The following DNTTIP1 variants were observed in gnomAD, a reference collection of about 807,000 sequenced individuals.
DNTTIP1 encodes deoxynucleotidyltransferase terminal interacting protein 1, also known as deoxynucleotidyltransferase terminal-interacting protein 1.
Under a neutral mutation model 52.9 loss-of-function variants are expected in DNTTIP1, and 22 were observed. That is an observed-to-expected ratio of 0.42 (90% CI 0.30 to 0.59). The LOEUF is 0.59. Ranked by LOEUF, DNTTIP1 falls within the 20% of genes least tolerant of loss-of-function variation. The pLI is 0.22. For missense variants in DNTTIP1, 286 were observed against 435.5 expected (o/e 0.66, Z 3.06); for synonymous variants, 136 against 155.1 (o/e 0.88, Z 0.92).
intron 3 of DNTTIP1, 22 bp from the exon 4 acceptor site, chr20:45,795,323 G>C (rs752380216): frequency 1.4e-4 from 218 of 1,504,684 alleles, no homozygotes; most frequent in Non-Finnish European, 1.9e-4. Flanking sequence ...CTCTGACCTT[G>C]TCCTCTGTTG....
chr20:45,798,568 C>CT (rs1981321821), intron 4 of DNTTIP1, among the ~76,000 whole-genome samples: 1 of 152,146 alleles, frequency 6.6e-6, no homozygotes, highest in African/African-American at 2.4e-5. Context: ...CATCTCACCT[C>CT]TTTTTTATTG....
At chr20:45,808,149 C>G (rs1479093995) in intron 10 of DNTTIP1, among the ~76,000 whole-genome samples, 1 of 152,076 alleles carries the variant, frequency 6.6e-6, no homozygotes, top group African/African-American at 2.4e-5. Flanking sequence ...AGTTCAAAAC[C>G]AGCCTGGCCA....
intron 2 of DNTTIP1, 32 bp from the exon 3 acceptor site, chr20:45,793,889 G>GC: frequency 7.1e-7 from 1 of 1,400,758 alleles, no homozygotes; most frequent in Non-Finnish European, 9.9e-7. Flanking sequence ...TTTGGGACAT[G>GC]CCCCCTCACC....
chr20:45,811,077 T>C lies in DNTTIP1; in HGVS notation c.872T>C (p.Leu291Pro). ...DDYRGCLDLK[L>P]EELKSFVLPS... ...TCCAGAGGATGCCTGGATCTGAAGC[T>C]AGAGGAATTGAAATCCTTTGTCCTA... The change falls in exon 13 of 13, where the codon CTA (leucine) becomes CCA (proline). Residue 291 changes from leucine (L) to proline (P), a missense_variant. Physicochemically the swap from Leu to Pro is moderately conservative, Grantham distance 98. Coordinates refer to ENST00000372622, the MANE Select transcript of DNTTIP1 (RefSeq NM_052951.3). 1 of 1,613,990 alleles carries C rather than the reference T, an allele frequency of 6.2e-7. No individual in the cohort carries two copies. The highest frequency in any genetic ancestry group is 8.5e-7 in the Non-Finnish European group (1 of 1,179,886).
chr20:45,803,776 G>T (rs2145703545), intron 8 of DNTTIP1, among the ~76,000 whole-genome samples: 1 of 152,278 alleles, frequency 6.6e-6, no homozygotes, highest in Middle Eastern at 3.4e-3. Flanking sequence ...CAGCTTCCCT[G>T]TGGGCATAAA....
intron 4 of DNTTIP1, chr20:45,796,697 T>A (rs1364442006): frequency 2.6e-6 from 1 of 388,532 alleles, no homozygotes; most frequent in Non-Finnish European, 5.2e-6. Context: ...GCTCACTTTC[T>A]CACCTCCTAT....
At position 45,792,013 on chromosome 20, in the gene DNTTIP1, C is replaced by T. The variant is rs1981028439; in HGVS notation, c.9C>T (p.Ala3=). The T allele has an allele frequency of 7.9e-7, 1 of 1,264,780 alleles. No individual in the cohort carries two copies. Among genetic ancestry groups the T allele is most frequent in the Admixed American group, 3.4e-5 (1 of 29,608 alleles). The allele number at this position is 1,264,780 out of a possible 1,614,324, so 78.3% of individuals were successfully genotyped here. A position where few individuals can be genotyped will look rare whatever the true frequency, so the allele number is the denominator to read the frequency against. ...TGGGGGCCGGGGGCGCCATGGGAGC[C>T]ACTGGCGACGCCGAGCAGCCGCGGG... MG[A]TGDAEQPRGP... is the part of the protein sequence containing the mutation. Residue 3 remains alanine (A), a synonymous_variant, in exon 1 of 13, where the codon GCC becomes GCT. Coordinates refer to ENST00000372622, the MANE Select transcript of DNTTIP1 (RefSeq NM_052951.3).
intron 10 of DNTTIP1, among the ~76,000 whole-genome samples, chr20:45,807,792 C>G (rs1469118638): frequency 6.6e-6 from 1 of 151,560 alleles, no homozygotes; most frequent in Non-Finnish European, 1.5e-5. Context: ...ACTAAAAGTA[C>G]AAAAATTAGC....
intron 4 of DNTTIP1, chr20:45,796,540 G>T (rs570460565): frequency 2.1e-6 from 1 of 471,142 alleles, no homozygotes; most frequent in Non-Finnish European, 4.4e-6. Flanking sequence ...CTCTGGTGTG[G>T]TCAGGAAGCA....
chr20:45,810,074 T>C (rs1981773800), intron 11 of DNTTIP1, among the ~76,000 whole-genome samples: 1 of 152,150 alleles, frequency 6.6e-6, no homozygotes, highest in Non-Finnish European at 1.5e-5. Context: ...ACCTGTGCAC[T>C]TCTACAGATG....
intron 10 of DNTTIP1, 140 bp from the exon 11 acceptor site, chr20:45,808,974 T>G (rs1457072100): frequency 1.4e-6 from 1 of 696,374 alleles, no homozygotes; most frequent in African/African-American, 1.8e-5. Context: ...CTGAAGAGAT[T>G]AGTGAGCCCT....
In DNTTIP1 at chr20:45,811,317, G is replaced by A; in HGVS notation, c.*122G>A. 1 of 1,176,538 alleles carries A rather than the reference G, an allele frequency of 8.5e-7. No individual in the cohort carries two copies. Among genetic ancestry groups the A allele is most frequent in the African/African-American group, 1.5e-5 (1 of 65,358 alleles). 72.9% of individuals were successfully genotyped at this position (1,176,538 alleles called of 1,614,324 possible). A position where few individuals can be genotyped will look rare whatever the true frequency, so the allele number is the denominator to read the frequency against. On this transcript the variant is annotated 3_prime_UTR_variant, in exon 13 of 13. Coordinates refer to ENST00000372622, the MANE Select transcript of DNTTIP1 (RefSeq NM_052951.3). ...GCGGCATTAAGCTGTGCCTGAGCGA[G>A]TTTGTAGTGACTCACTGCACAGCAC...
chr20:45,792,856 C>A, intron 2 of DNTTIP1, 109 bp downstream of exon 2: 2 of 955,020 alleles, frequency 2.1e-6, no homozygotes, highest in Non-Finnish European at 3.1e-6. Context: ...AGAAAGAGCA[C>A]AGGACTGAGG....
intron 4 of DNTTIP1, among the ~76,000 whole-genome samples, chr20:45,800,810 A>G (rs1345911959): frequency 6.9e-6 from 1 of 145,256 alleles, no homozygotes; most frequent in Non-Finnish European, 1.5e-5. Context: ...CCTGTCCAAC[A>G]TGGTGAAATC....
At chr20:45,806,668 CT>C (rs949535056) in intron 10 of DNTTIP1, among the ~76,000 whole-genome samples, 1 of 152,258 alleles carries the variant, frequency 6.6e-6, no homozygotes, top group Non-Finnish European at 1.5e-5. Flanking sequence ...CTACCACATT[CT>C]GTGCAAGTTT....
chr20:45,805,004 T>G (rs563772980), intron 8 of DNTTIP1, 142 bp from the exon 9 acceptor site: 2 of 762,544 alleles, frequency 2.6e-6, no homozygotes, highest in Non-Finnish European at 4.7e-6. Context: ...CCTAGCATAT[T>G]GTGAGTACTC....
chr20:45,805,226 C>T, intron 9 of DNTTIP1, 22 bp downstream of exon 9: 3 of 1,614,078 alleles, frequency 1.9e-6, no homozygotes, highest in Non-Finnish European at 2.5e-6. Context: ...AGCTTTGGCA[C>T]TGATTGAGGA....
intron 11 of DNTTIP1, among the ~76,000 whole-genome samples, chr20:45,810,646 G>T (rs1050053036): frequency 2.7e-5 from 4 of 146,946 alleles, no homozygotes; most frequent in Non-Finnish European, 5.9e-5. Context: ...TAAAAGAGAA[G>T]GCTATAAATA....
chr20:45,807,122 C>T (rs1040792874), intron 10 of DNTTIP1, among the ~76,000 whole-genome samples: 2 of 151,512 alleles, frequency 1.3e-5, no homozygotes, highest in Non-Finnish European at 2.9e-5. Flanking sequence ...AGTGATAGAC[C>T]AACCATTTTT....
Sources: allele counts gnomAD v4.1 joint callset (sites outside exome capture counted in the v4.1 genomes callset), GRCh38; gene constraint gnomAD v4.1.1; transcripts MANE v1.5; gene names NCBI Gene and HGNC (gene_info 2026-07-23, HGNC 2026-07-21).